The following MARCHF1 variants were observed in gnomAD, a reference collection of about 807,000 sequenced individuals.
The protein encoded by MARCHF1 is E3 ubiquitin-protein ligase MARCHF1.
In MARCHF1, 40 loss-of-function variants were observed where a neutral mutation model predicts 54.2. That is an observed-to-expected ratio of 0.74 (90% CI 0.57 to 0.96). The LOEUF (loss-of-function observed/expected upper bound fraction) is 0.96, where lower values mean the gene tolerates loss of function less well. Among genes scored for constraint, MARCHF1 ranks in the 40% least tolerant of loss-of-function variants. The probability of loss-of-function intolerance (pLI) is 0.00; values close to 1 mark genes in which losing one functional copy is unlikely to be tolerated. For missense variants in MARCHF1, 586 were observed against 656.5 expected (o/e 0.89, Z 1.17); for synonymous variants, 236 against 236.3 (o/e 1.00, Z 0.01).
chr4:163,767,040 C>T (rs191460132), intron 4 of MARCHF1, among the ~76,000 whole-genome samples: 2 of 147,548 alleles, frequency 1.4e-5, no homozygotes, highest in South Asian at 2.1e-4. Context: ...ATTTAATTCC[C>T]ATAAAAATCT....
At chr4:163,823,952 T>C (rs1424506731) in intron 4 of MARCHF1, among the ~76,000 whole-genome samples, 1 of 151,872 alleles carries the variant, frequency 6.6e-6, no homozygotes, top group Admixed American at 6.6e-5. Context: ...TACCTTTTTA[T>C]AAAAATTTAG....
chr4:163,704,272 T>C (rs1230668589), intron 4 of MARCHF1, among the ~76,000 whole-genome samples: 3 of 151,836 alleles, frequency 2.0e-5, no homozygotes, highest in African/African-American at 7.2e-5. Flanking sequence ...TGGAGGGTCA[T>C]CTGAAAAATT....
intron 1 of MARCHF1, among the ~76,000 whole-genome samples, chr4:164,304,446 A>G (rs1014731965): frequency 1.3e-5 from 2 of 152,182 alleles, no homozygotes; most frequent in East Asian, 1.9e-4. Flanking sequence ...CCACTCCTTC[A>G]TATCTGCACT....
chr4:163,988,328 T>C (rs1036156674), intron 3 of MARCHF1, among the ~76,000 whole-genome samples, 173 bp downstream of exon 3: 3 of 152,122 alleles, frequency 2.0e-5, no homozygotes, highest in Non-Finnish European at 4.4e-5. Context: ...AAAATAGAGG[T>C]GAAGTTTAAT....
chr4:164,190,877 T>TG (rs962217424), intron 1 of MARCHF1, among the ~76,000 whole-genome samples: 10 of 152,332 alleles, frequency 6.6e-5, no homozygotes, highest in African/African-American at 2.4e-4. Context: ...GCTAGCCACC[T>TG]GGGCATGTCT....
At chr4:163,912,964 G>A (rs975405383) in intron 3 of MARCHF1, among the ~76,000 whole-genome samples, 2 of 152,056 alleles carry the variant, frequency 1.3e-5, no homozygotes, top group African/African-American at 2.4e-5. Context: ...TCACAGAAAG[G>A]CTCTTCCTAG....
At chr4:163,602,048 T>C (rs1332003557) in intron 7 of MARCHF1, among the ~76,000 whole-genome samples, 1 of 151,920 alleles carries the variant, frequency 6.6e-6, no homozygotes, top group Non-Finnish European at 1.5e-5. Context: ...TTAAAATATA[T>C]AAAGAAAAGA....
chr4:164,244,189 T>C (rs1732868137), intron 1 of MARCHF1, among the ~76,000 whole-genome samples: 1 of 151,742 alleles, frequency 6.6e-6, no homozygotes, highest in Admixed American at 6.6e-5. Flanking sequence ...TATTCCAAAA[T>C]TGACCATATA....
intron 5 of MARCHF1, among the ~76,000 whole-genome samples, chr4:163,699,070 C>T (rs1490656617): frequency 1.3e-5 from 2 of 152,138 alleles, no homozygotes; most frequent in East Asian, 1.9e-4. Flanking sequence ...AGCGACACAG[C>T]GGTGACTTAC....
At chr4:164,016,366 C>T (rs1753543517) in intron 2 of MARCHF1, among the ~76,000 whole-genome samples, 1 of 152,126 alleles carries the variant, frequency 6.6e-6, no homozygotes, top group South Asian at 2.1e-4. Flanking sequence ...AAACTGCCCC[C>T]ATGATCGATC....
chr4:164,265,366 G>A (rs1733583410), intron 1 of MARCHF1, among the ~76,000 whole-genome samples: 2 of 152,068 alleles, frequency 1.3e-5, no homozygotes, highest in Admixed American at 6.6e-5. Context: ...AGATTATGGT[G>A]TATAAACAAT....
intron 3 of MARCHF1, among the ~76,000 whole-genome samples, chr4:163,900,354 A>G (rs927008472): frequency 4.0e-5 from 6 of 151,694 alleles, no homozygotes; most frequent in African/African-American, 1.5e-4. Flanking sequence ...TTTTTTTTAA[A>G]AAAACTCTCC....
chr4:163,767,552 T>C (rs1483872746), intron 4 of MARCHF1, among the ~76,000 whole-genome samples: 1 of 152,126 alleles, frequency 6.6e-6, no homozygotes, highest in Non-Finnish European at 1.5e-5. Flanking sequence ...GCCAGGATGG[T>C]CTCGATCTCC....
rs80214195 is a variant in MARCHF1, at chr4:163,578,404, T to TA, written c.1191+7344dup. On this transcript the variant is annotated intron_variant, in intron 8 of 9. Coordinates refer to ENST00000514618, the MANE Select transcript of MARCHF1 (RefSeq NM_001394959.1). ...TATCAATCCACTAATAAGGAAGTAC[T>TA]AAAAAAAGTTCTATTTAATCTATCC... Among the ~76,000 whole-genome samples, 988 of 152,198 alleles carry TA rather than the reference T, an allele frequency of 6.5e-3. 28 individuals carry two copies. The highest frequency in any genetic ancestry group is 0.045 in the Admixed American group (684 of 15,278).
At chr4:163,852,140 G>T (rs1012433088) in intron 4 of MARCHF1, among the ~76,000 whole-genome samples, 3 of 151,972 alleles carry the variant, frequency 2.0e-5, no homozygotes, top group Non-Finnish European at 4.4e-5. Flanking sequence ...AGATTATGAG[G>T]TGTAGTAGAA....
At chr4:164,094,077 A>C (rs1191699750) in intron 2 of MARCHF1, among the ~76,000 whole-genome samples, 1 of 152,152 alleles carries the variant, frequency 6.6e-6, no homozygotes, top group Non-Finnish European at 1.5e-5. Flanking sequence ...TATGTAACAT[A>C]GAAAGCTTTA....
intron 1 of MARCHF1, among the ~76,000 whole-genome samples, chr4:164,207,647 C>A (rs1022775209): frequency 1.6e-4 from 25 of 152,140 alleles, no homozygotes; most frequent in African/African-American, 6.0e-4. Context: ...TGCCTCCCTG[C>A]TGGTGTTCAC....
chr4:164,197,043 CTCT>C lies in MARCHF1; in HGVS notation c.-322-85384_-322-85382del, dbSNP rs749665777. The C allele has an allele frequency of 1.6e-5, 26 of 1,605,670 alleles. No homozygotes were observed. The Admixed American group carries it at 3.2e-4, about 20-fold the overall frequency. The stretch of plus-strand genomic sequence containing the variant: ...TCTGACCCCTTTCTTCTTCACCAAG[CTCT>C]TCTTCATCTTCCTCGCCATCTACCT... On this transcript the variant is annotated intron_variant, in intron 1 of 9. Transcript: ENST00000514618.
In MARCHF1 at chr4:164,279,022, A is replaced by T. The variant is rs370468079; in HGVS notation, c.-323+104848T>A. On this transcript the variant is annotated intron_variant, in intron 1 of 9. Transcript: ENST00000514618. ...GTAGTTTTTGTCACTATAGACCAGT[A>T]TTTTATTTAAATTGAAGATTAGTAT... is the stretch of plus-strand genomic sequence containing the variant. 1.8e-3 allele frequency among the ~76,000 whole-genome samples: 274 copies of T among 152,138 alleles called. 1 individual carries two copies. The highest frequency in any genetic ancestry group is 6.2e-3 in the African/African-American group (258 of 41,550).
Sources: allele counts gnomAD v4.1 joint callset (sites outside exome capture counted in the v4.1 genomes callset), GRCh38; gene constraint gnomAD v4.1.1; transcripts MANE v1.5; gene names NCBI Gene and HGNC (gene_info 2026-07-23, HGNC 2026-07-21).